The following SLC38A9 variants were observed in gnomAD, a reference collection of about 807,000 sequenced individuals.
The protein encoded by SLC38A9 is neutral amino acid transporter 9.
Under a neutral mutation model 62.3 loss-of-function variants are expected in SLC38A9, and 48 were observed. That is an observed-to-expected ratio of 0.77 (90% CI 0.61 to 0.98). SLC38A9 has a LOEUF of 0.98. Among genes scored for constraint, SLC38A9 ranks in the 50% least tolerant of loss-of-function variants. The probability of loss-of-function intolerance (pLI) is 0.00; values close to 1 mark genes in which losing one functional copy is unlikely to be tolerated. For synonymous variants in SLC38A9, 204 were observed against 227.7 expected, an observed-to-expected ratio of 0.90 and a Z score of 0.94; for missense variants, 541 against 679.8, an observed-to-expected ratio of 0.80 and a Z score of 2.27.
chr5:55,651,523 C>T (rs887703177), intron 10 of SLC38A9, among the ~76,000 whole-genome samples: 1 of 152,128 alleles, frequency 6.6e-6, no homozygotes, highest in East Asian at 1.9e-4. Flanking sequence ...GTTGGGAATA[C>T]AGGCGTGAGC....
At chr5:55,662,434 G>A (rs533222324) in intron 8 of SLC38A9, among the ~76,000 whole-genome samples, 28 of 152,252 alleles carry the variant, frequency 1.8e-4, no homozygotes, top group African/African-American at 6.7e-4. Flanking sequence ...CACTTTGGGA[G>A]GCTGAGGTGG....
intron 3 of SLC38A9, among the ~76,000 whole-genome samples, chr5:55,690,764 T>C (rs571681287): frequency 1.3e-5 from 2 of 152,328 alleles, no homozygotes; most frequent in African/African-American, 4.8e-5. Flanking sequence ...TTGTACTAGA[T>C]TCCCCAAAGG....
chr5:55,648,701 C>G (rs1482389713), intron 11 of SLC38A9, among the ~76,000 whole-genome samples: 2 of 152,126 alleles, frequency 1.3e-5, no homozygotes, highest in African/African-American at 2.4e-5. Flanking sequence ...TGAAAAGTTG[C>G]TAACTCCACT....
rs1217306737 is a variant in SLC38A9, at chr5:55,630,326, G to GT, written c.1431-2347dup. Among the ~76,000 whole-genome samples the GT allele has an allele frequency of 5.7e-4, 86 of 150,616 alleles. 1 individual carries two copies. Among genetic ancestry groups the GT allele is most frequent in the South Asian group, 2.5e-3 (12 of 4,754 alleles). On this transcript the variant is annotated intron_variant, in intron 14 of 15. Transcript: ENST00000396865. ...AGGGTTTTTTTGTTTGTTTGTTTTT[G>GT]TTTTTTTTTGAGATGGAGTCTCGCT... is the stretch of plus-strand genomic sequence containing the variant.
In SLC38A9 at chr5:55,652,529, C is replaced by T. The variant is rs1385209265; in HGVS notation, c.952G>A (p.Gly318Ser). 1.3e-6 allele frequency: 2 copies of T among 1,588,714 alleles called. No individual in the cohort carries two copies. Among genetic ancestry groups the T allele is most frequent in the Non-Finnish European group, 1.7e-6 (2 of 1,164,814 alleles). Reference sequence around the variant, plus strand: ...TCCATAATTCAGTGCTACTACTTACCTAGGATATTAAATTTTGAAAAAAAT... The same window carrying T: ...TCCATAATTCAGTGCTACTACTTACTTAGGATATTAAATTTTGAAAAAAAT... Reference protein sequence around the residue: ...PSFFSKFNILGTVSVLYLIFL... With the variant: ...PSFFSKFNILSTVSVLYLIFL... Residue 318 changes from glycine to serine, a missense_variant and splice_region_variant, in exon 10 of 16, where the codon GGC (glycine) becomes AGC (serine). Coordinates refer to ENST00000396865, the MANE Select transcript of SLC38A9 (RefSeq NM_173514.4).
Position 55,652,706 on chromosome 5 carries a change from C to G in SLC38A9, c.775G>C (p.Gly259Arg). The G allele has an allele frequency of 6.2e-7, 1 of 1,612,020 alleles. No homozygotes were observed. Residue 259 changes from glycine to arginine, a missense_variant, in exon 10 of 16, where the codon GGG becomes CGG. Physicochemically the swap from Gly to Arg is moderately radical, Grantham distance 125. Coordinates refer to ENST00000396865, the MANE Select transcript of SLC38A9 (RefSeq NM_173514.4). ...CTGTTGTCAGGATGGCCTCCACTCC[C>G]GGCACTTGGACAAATCACTGCAATA... ...NSNPVICPSA[G>R]SGGHPDNSSM...
chr5:55,673,934 A>G (rs1471222990), intron 3 of SLC38A9, among the ~76,000 whole-genome samples: 4 of 151,958 alleles, frequency 2.6e-5, no homozygotes, highest in Admixed American at 2.0e-4. Context: ...CTGGTCTCCA[A>G]CTCCTGACCT....
intron 3 of SLC38A9, among the ~76,000 whole-genome samples, chr5:55,677,926 T>TGTGTGTGTGTGTGTGTGTGTG (rs1554062822): frequency 0.051 from 5,689 of 112,130 alleles, 777 homozygotes; most frequent in Non-Finnish European, 0.07. Context: ...TTTTTCTTTA[T>TGTGTGTGTGTGTGTGTGTGTG]TGTGTGTGTG....
intron 12 of SLC38A9, among the ~76,000 whole-genome samples, chr5:55,643,689 C>A (rs1745808112): frequency 1.3e-5 from 2 of 152,210 alleles, no homozygotes; most frequent in South Asian, 4.1e-4. Context: ...ATTGTTAATT[C>A]ATTTATTTTG....
chr5:55,656,091 G>A (rs1024853248), intron 9 of SLC38A9, among the ~76,000 whole-genome samples: 26 of 143,386 alleles, frequency 1.8e-4, no homozygotes, highest in Middle Eastern at 4.1e-3. Flanking sequence ...AGTGATATAG[G>A]TTCTTGAAAA....
At chr5:55,700,655 T>G (rs1165779042) in intron 2 of SLC38A9, among the ~76,000 whole-genome samples, 2 of 152,236 alleles carry the variant, frequency 1.3e-5, no homozygotes. Flanking sequence ...CATTCTTTCT[T>G]CAGCCTATGC....
intron 14 of SLC38A9, among the ~76,000 whole-genome samples, chr5:55,628,239 T>C (rs572413755): frequency 6.6e-6 from 1 of 152,306 alleles, no homozygotes; most frequent in African/African-American, 2.4e-5. Context: ...TTCACATTCT[T>C]TGATCTATTA....
chr5:55,633,761 A>G lies in SLC38A9; in HGVS notation c.1423T>C (p.Tyr475His). The change falls in exon 14 of 16, where the codon TAT becomes CAT. Residue 475 changes from tyrosine (Y) to histidine (H), a missense_variant. Physicochemically the swap from Tyr to His is moderately conservative, Grantham distance 83. Transcript: ENST00000396865. ...QLLGHIFGDI[Y>H]PSIFHVLILN... ...CAAGAGAAGAGCCCTTACCTAGGAT[A>G]AATGTCACCGAAGATATGGCCCAAA... 1 of 1,614,150 alleles carries G rather than the reference A, an allele frequency of 6.2e-7. No individual in the cohort carries two copies. Among genetic ancestry groups the G allele is most frequent in the Non-Finnish European group, 8.5e-7 (1 of 1,180,016 alleles).
At chr5:55,662,852 T>G (rs193005437) in intron 8 of SLC38A9, among the ~76,000 whole-genome samples, 2 of 151,772 alleles carry the variant, frequency 1.3e-5, no homozygotes, top group Non-Finnish European at 2.9e-5. Context: ...TTTCTTTTTA[T>G]AGGAATACAG....
chr5:55,632,327 A>C (rs995107291), intron 14 of SLC38A9, among the ~76,000 whole-genome samples: 12 of 152,184 alleles, frequency 7.9e-5, no homozygotes, highest in Middle Eastern at 3.4e-3. Flanking sequence ...AGTCCCAGCT[A>C]CTCAGGAGGC....
At chr5:55,638,927 A>G (rs1490303481) in intron 12 of SLC38A9, among the ~76,000 whole-genome samples, 1 of 152,210 alleles carries the variant, frequency 6.6e-6, no homozygotes, top group Non-Finnish European at 1.5e-5. Context: ...CAATCCACAC[A>G]ACCAGGAGGG....
At chr5:55,649,762 C>T (rs553374877) in intron 10 of SLC38A9, among the ~76,000 whole-genome samples, 1 of 152,118 alleles carries the variant, frequency 6.6e-6, no homozygotes, top group East Asian at 1.9e-4. Flanking sequence ...GCAGAGTTTG[C>T]AGTGAGCCAA....
At chr5:55,631,004 G>C (rs1009866736) in intron 14 of SLC38A9, among the ~76,000 whole-genome samples, 1 of 151,852 alleles carries the variant, frequency 6.6e-6, no homozygotes, top group Non-Finnish European at 1.5e-5. Context: ...ATGGTGGTGG[G>C]TGCCTGTAAT....
intron 9 of SLC38A9, among the ~76,000 whole-genome samples, chr5:55,655,820 A>G (rs1420387536): frequency 6.6e-6 from 1 of 152,184 alleles, no homozygotes; most frequent in Non-Finnish European, 1.5e-5. Flanking sequence ...ATAAAGCTTT[A>G]GGTGATGTTC....
Sources: gnomAD v4.1 joint callset for allele counts (sites outside exome capture counted in the v4.1 genomes callset) on GRCh38, gnomAD v4.1.1 for gene constraint, MANE v1.5 for transcripts, NCBI Gene and HGNC (gene_info 2026-07-23, HGNC 2026-07-21) for gene names.